Variants in MLIP observed in about 807,000 individuals in gnomAD.
The protein encoded by MLIP is muscular LMNA interacting protein.
In MLIP, 79 loss-of-function variants were observed where a neutral mutation model predicts 84.8. The ratio of observed to expected loss-of-function variants is 0.93; its 90% CI spans 0.78 to 1.12. The LOEUF (loss-of-function observed/expected upper bound fraction) is 1.12. Ranked by LOEUF, MLIP falls within the 50% of genes most tolerant of loss-of-function variation. The probability of loss-of-function intolerance (pLI) is 0.00; values close to 1 mark genes in which losing one functional copy is unlikely to be tolerated. For missense variants in MLIP, 1,257 were observed against 1,160.6 expected (o/e 1.08, Z -1.21); for synonymous variants, 504 against 463.0 (o/e 1.09, Z -1.14).
At chr6:54,038,994 T>C (rs956635028) in intron 1 of MLIP, among the ~76,000 whole-genome samples, 4 of 151,910 alleles carry the variant, frequency 2.6e-5, no homozygotes, top group African/African-American at 7.2e-5. Context: ...GAGTTTACTA[T>C]TGAGAAATTT....
intron 1 of MLIP, among the ~76,000 whole-genome samples, chr6:54,097,291 C>A (rs549555527): frequency 6.6e-6 from 1 of 152,252 alleles, no homozygotes; most frequent in East Asian, 1.9e-4. Flanking sequence ...TGCTAGAGAT[C>A]CAGCCATCAC....
chr6:54,213,724 A>AC lies in MLIP; in HGVS notation c.2718+11491_2718+11492insC, dbSNP rs1229561319. Among the ~76,000 whole-genome samples, 230 of 132,618 alleles carry AC rather than the reference A, an allele frequency of 1.7e-3. 38 individuals are homozygous for AC. In the Middle Eastern group the frequency reaches 0.022, roughly 12 times the overall value. 87.0% of individuals were successfully genotyped at this position (132,618 alleles called of 152,430 possible). On this transcript the variant is annotated intron_variant, in intron 11 of 13. Coordinates refer to ENST00000502396, the MANE Select transcript of MLIP (RefSeq NM_001281747.2). ...CTTTGTCTCAAAAAAAAAAAAAAAA[A>AC]AAAAAAAAAAAACAACAAACAGCAT...
At chr6:54,021,432 A>T (rs1463587638) in intron 1 of MLIP, among the ~76,000 whole-genome samples, 2 of 152,156 alleles carry the variant, frequency 1.3e-5, no homozygotes, top group Non-Finnish European at 2.9e-5. Context: ...AATATGTATT[A>T]TTGGGTTTAT....
At chr6:54,176,772 G>A (rs964086203) in intron 9 of MLIP, among the ~76,000 whole-genome samples, 7 of 152,022 alleles carry the variant, frequency 4.6e-5, no homozygotes, top group Non-Finnish European at 2.9e-5. Context: ...GAACAAAGCT[G>A]AAGGCATCAT....
chr6:54,123,737 A>G (rs524332), intron 2 of MLIP, among the ~76,000 whole-genome samples: 58,682 of 152,082 alleles, frequency 0.39, 11,605 homozygotes, highest in Admixed American at 0.47. Flanking sequence ...TAAGAAAATT[A>G]ACATTGGGTC....
At chr6:54,220,794 C>A (rs1780167419) in intron 11 of MLIP, among the ~76,000 whole-genome samples, 1 of 151,988 alleles carries the variant, frequency 6.6e-6, no homozygotes, top group Admixed American at 6.6e-5. Context: ...TAAGTGACTT[C>A]TTTAATAAAA....
intron 1 of MLIP, among the ~76,000 whole-genome samples, chr6:54,073,177 G>T (rs372405366): frequency 5.5e-4 from 84 of 152,272 alleles, no homozygotes; most frequent in African/African-American, 1.9e-3. Flanking sequence ...TAGGAGAGCT[G>T]GGGGGTGGAA....
intron 12 of MLIP, among the ~76,000 whole-genome samples, chr6:54,236,543 A>G (rs1412712455): frequency 1.3e-5 from 2 of 151,326 alleles, no homozygotes; most frequent in African/African-American, 2.5e-5. Context: ...CGGAGGTTGC[A>G]GTGAGCCGAG....
At chr6:54,033,453 G>A (rs545124557) in intron 1 of MLIP, among the ~76,000 whole-genome samples, 2 of 152,100 alleles carry the variant, frequency 1.3e-5, no homozygotes, top group East Asian at 3.9e-4. Context: ...TTTTAGTAGA[G>A]ACAGGATTTC....
rs144627854 is a variant in MLIP at position 54,101,273 on chromosome 6, A to C, written c.64-20174A>C. Among the ~76,000 whole-genome samples the C allele has an allele frequency of 6.4e-4, 97 of 152,230 alleles. 1 individual carries two copies. Among genetic ancestry groups the C allele is most frequent in the African/African-American group, 2.1e-3 (88 of 41,548 alleles). On this transcript the variant is annotated intron_variant, in intron 1 of 12. Transcript: ENST00000274897. ...AAAGGAGGAAATAGTGTAAGTAAAC[A>C]TGGTAATATTCTGATACTCTTATCA...
chr6:54,056,164 C>T (rs551492511), intron 1 of MLIP, among the ~76,000 whole-genome samples: 5 of 152,196 alleles, frequency 3.3e-5, no homozygotes, highest in East Asian at 3.9e-4. Flanking sequence ...GCTTTGTTTA[C>T]GTGAATTATT....
intron 12 of MLIP, among the ~76,000 whole-genome samples, chr6:54,252,425 CATATAATATATAATATAACTAT>C (rs1782690543): frequency 8.1e-6 from 1 of 123,730 alleles, no homozygotes; most frequent in African/African-American, 3.4e-5. Context: ...TATATTATAA[CATATAATATATAATATAACTAT>C]AGTATATTAT....
At chr6:54,141,826 G>A (rs1187729023) in intron 4 of MLIP, among the ~76,000 whole-genome samples, 2 of 152,164 alleles carry the variant, frequency 1.3e-5, no homozygotes, top group South Asian at 2.1e-4. Context: ...GCCACTTACC[G>A]AAGACAGTCT....
intron 1 of MLIP, among the ~76,000 whole-genome samples, chr6:54,097,889 C>T: frequency 6.6e-6 from 1 of 152,148 alleles, no homozygotes; most frequent in Admixed American, 6.6e-5. Flanking sequence ...CAGCCTCACA[C>T]TCATGTTTGT....
intron 3 of MLIP, among the ~76,000 whole-genome samples, chr6:54,129,846 G>A (rs1345275291): frequency 2.0e-5 from 3 of 152,204 alleles, no homozygotes; most frequent in Non-Finnish European, 2.9e-5. Flanking sequence ...AGGTGACTAA[G>A]TAGTAATTCA....
At chr6:54,227,099 A>C (rs900812930) in intron 11 of MLIP, among the ~76,000 whole-genome samples, 1 of 152,164 alleles carries the variant, frequency 6.6e-6, no homozygotes, top group African/African-American at 2.4e-5. Context: ...TCATGAGATC[A>C]GGTTGTTTAA....
chr6:54,114,629 G>A (rs1769751893), intron 1 of MLIP, among the ~76,000 whole-genome samples: 1 of 152,134 alleles, frequency 6.6e-6, no homozygotes, highest in Non-Finnish European at 1.5e-5. Context: ...TAGACTTATA[G>A]CAAGTCTTCA....
At chr6:54,019,844 G>A (rs9464014) in intron 1 of MLIP, among the ~76,000 whole-genome samples, 10,030 of 152,196 alleles carry the variant, frequency 0.066, 808 homozygotes, top group African/African-American at 0.19. Context: ...CTAGATGTAT[G>A]AAGTTGAGGT....
At chr6:54,195,688 TGTCTTATA>T (rs1778243829) in intron 10 of MLIP, among the ~76,000 whole-genome samples, 1 of 152,040 alleles carries the variant, frequency 6.6e-6, no homozygotes, top group Non-Finnish European at 1.5e-5. Flanking sequence ...CTTAGACGAG[TGTCTTATA>T]GCCCATTAAA....
Sources: allele counts gnomAD v4.1 joint callset (sites outside exome capture counted in the v4.1 genomes callset), GRCh38; gene constraint gnomAD v4.1.1; transcripts MANE v1.5; gene names NCBI Gene and HGNC (gene_info 2026-07-23, HGNC 2026-07-21).